Variants in HPSE2 observed in about 807,000 individuals in gnomAD.
HPSE2 encodes inactive heparanase-2.
In HPSE2, 38 loss-of-function variants were observed where a neutral mutation model predicts 60.5. The ratio of observed to expected loss-of-function variants is 0.63; its 90% CI spans 0.48 to 0.82. HPSE2 has a LOEUF of 0.82. HPSE2 is among the 40% of genes least tolerant of loss of function. The probability of loss-of-function intolerance (pLI) is 0.00; values close to 1 mark genes in which losing one functional copy is unlikely to be tolerated. For missense variants in HPSE2, 713 were observed against 740.4 expected, an observed-to-expected ratio of 0.96 and a Z score of 0.43; for synonymous variants, 295 against 293.2, an observed-to-expected ratio of 1.01 and a Z score of -0.06.
intron 3 of HPSE2, among the ~76,000 whole-genome samples, chr10:99,046,535 ACT>A (rs1252240494): frequency 2.6e-5 from 4 of 151,966 alleles, no homozygotes; most frequent in East Asian, 1.9e-4. Flanking sequence ...AAGACATCAA[ACT>A]CTCTCTCTTT....
intron 3 of HPSE2, among the ~76,000 whole-genome samples, chr10:98,846,421 T>G (rs572272449): frequency 1.3e-5 from 2 of 152,328 alleles, no homozygotes; most frequent in East Asian, 3.9e-4. Flanking sequence ...ACTTAAAAAA[T>G]ACAGCACAAG....
chr10:99,165,366 T>C (rs1215010034), intron 2 of HPSE2, among the ~76,000 whole-genome samples: 3 of 152,056 alleles, frequency 2.0e-5, no homozygotes, highest in African/African-American at 7.2e-5. Context: ...TCCAGTATGA[T>C]TGTGCCATTC....
intron 9 of HPSE2, among the ~76,000 whole-genome samples, chr10:98,513,294 T>C (rs1942483548): frequency 1.3e-5 from 2 of 152,192 alleles, no homozygotes. Flanking sequence ...GTTTTCAGCC[T>C]CATCAAACCC....
rs1385755723 is a variant in HPSE2 at position 99,184,821 on chromosome 10, G to C, written c.449-40422C>G. 9.9e-4 allele frequency among the ~76,000 whole-genome samples: 24 copies of C among 24,328 alleles called. 3 individuals carry two copies. Among genetic ancestry groups the C allele is most frequent in the South Asian group, 4.0e-3 (2 of 494 alleles). The allele number at this position is 24,328 out of a possible 152,430, so 16.0% of individuals were successfully genotyped here. On this transcript the variant is annotated intron_variant, in intron 2 of 11. Transcript: ENST00000370552. The stretch of plus-strand genomic sequence containing the variant: ...ATATATATATATATATATATATATA[G>C]AGAGAGAGAGAGAGAGAGAGAGAGA...
chr10:98,813,537 G>T (rs572920895), intron 3 of HPSE2, among the ~76,000 whole-genome samples: 43 of 152,072 alleles, frequency 2.8e-4, no homozygotes, highest in Admixed American at 1.6e-3. Flanking sequence ...GCCCACAAAG[G>T]TCAGATAGAA....
intron 9 of HPSE2, among the ~76,000 whole-genome samples, chr10:98,600,874 TGTATATATACATATATAC>T (rs1288301991): frequency 1.0e-5 from 1 of 99,500 alleles, no homozygotes; most frequent in African/African-American, 2.8e-5. Context: ...TACGTATATA[TGTATATATACATATATAC>T]GTATATATAT....
Position 98,678,288 on chromosome 10 carries a change from T to C in HPSE2, c.1004+15612A>G, listed in dbSNP as rs553623488. ...ATCCACATGTCAGAGAAGAAGCTAC[T>C]GAAGAAAGTTTAATGCCAAAAAATG... On this transcript the variant is annotated intron_variant, in intron 6 of 11. Coordinates refer to ENST00000370552, the MANE Select transcript of HPSE2 (RefSeq NM_021828.5). Among the ~76,000 whole-genome samples, 120 of 152,302 alleles carry C rather than the reference T, an allele frequency of 7.9e-4. 1 individual carries two copies. In the Middle Eastern group the frequency reaches 0.01, roughly 13 times the overall value.
intron 9 of HPSE2, among the ~76,000 whole-genome samples, chr10:98,521,546 T>A (rs536827895): frequency 6.6e-6 from 1 of 152,258 alleles, no homozygotes; most frequent in African/African-American, 2.4e-5. Context: ...GGAGTGTAAA[T>A]TAGTTCAGCC....
intron 6 of HPSE2, among the ~76,000 whole-genome samples, chr10:98,687,475 T>G (rs1434992511): frequency 1.3e-5 from 2 of 152,204 alleles, no homozygotes; most frequent in African/African-American, 4.8e-5. Context: ...CCTCTGGATA[T>G]TCCAGAATAA....
intron 3 of HPSE2, among the ~76,000 whole-genome samples, chr10:98,887,924 A>ATAATAG (rs1953212765): frequency 6.6e-6 from 1 of 150,450 alleles, no homozygotes; most frequent in African/African-American, 2.4e-5. Flanking sequence ...TTAATGTATA[A>ATAATAG]TAATAATAAT....
intron 3 of HPSE2, among the ~76,000 whole-genome samples, chr10:98,895,017 G>C (rs1290794677): frequency 6.6e-6 from 1 of 151,950 alleles, no homozygotes; most frequent in African/African-American, 2.4e-5. Context: ...TTGTATACAA[G>C]TTGTATACAA....
chr10:98,907,526 T>C (rs1051984659), intron 3 of HPSE2, among the ~76,000 whole-genome samples: 3 of 152,126 alleles, frequency 2.0e-5, no homozygotes, highest in Non-Finnish European at 2.9e-5. Flanking sequence ...AGCTTAACAA[T>C]AGTCACTGTA....
chr10:99,123,790 G>T (rs1954295), intron 3 of HPSE2, among the ~76,000 whole-genome samples: 1 of 152,046 alleles, frequency 6.6e-6, no homozygotes, highest in African/African-American at 2.4e-5. Context: ...AGCAGTCCTA[G>T]TCACAGGCAA....
intron 3 of HPSE2, among the ~76,000 whole-genome samples, chr10:98,803,698 A>C (rs1664074724): frequency 6.6e-6 from 1 of 150,804 alleles, no homozygotes; most frequent in South Asian, 2.1e-4. Context: ...TTTTGGTACC[A>C]GTAGCATGCT....
chr10:99,160,949 C>CTCA (rs1846814599), intron 2 of HPSE2, among the ~76,000 whole-genome samples: 2 of 148,632 alleles, frequency 1.3e-5, no homozygotes, highest in South Asian at 4.3e-4. Context: ...GGCACAGTGG[C>CTCA]TCATGCTTAT....
In HPSE2 at chr10:99,221,648, G is replaced by A. The variant is rs184769630; in HGVS notation, c.448+10700C>T. Reference sequence around the variant, plus strand: ...ACTTGAGCAGGGCTTTGAAAAGTAGGCAGAATTCAGAAATGGGTAGAATGT... The same window carrying A: ...ACTTGAGCAGGGCTTTGAAAAGTAGACAGAATTCAGAAATGGGTAGAATGT... On this transcript the variant is annotated intron_variant, in intron 2 of 11. Transcript: ENST00000370552. 4.2e-4 allele frequency among the ~76,000 whole-genome samples: 64 copies of A among 152,292 alleles called. 1 individual carries two copies. The East Asian group carries it at 0.012, about 29-fold the overall frequency.
At position 98,641,923 on chromosome 10, in the gene HPSE2, C is replaced by G. The variant is rs140694252; in HGVS notation, c.1022G>C (p.Arg341Pro). Reference sequence around the variant, plus strand: ...CAGGAAGTCCATCACCTTGACCACCCGGCCATCAATGTAGCAACTGGAATA... The same window carrying G: ...CAGGAAGTCCATCACCTTGACCACCGGGCCATCAATGTAGCAACTGGAATA... ...VTWQHCYIDG[R>P]VVKVMDFLKT... is the part of the protein sequence containing the mutation. Residue 341 changes from arginine to proline, a missense_variant, in exon 7 of 12, where the codon CGG (arginine) becomes CCG (proline). Arg to Pro is a moderately radical substitution (Grantham distance 103). Transcript: ENST00000370552. The G allele has an allele frequency of 2.5e-6, 4 of 1,613,170 alleles. No homozygotes were observed. The highest frequency in any genetic ancestry group is 3.4e-6 in the Non-Finnish European group (4 of 1,179,498).
chr10:98,549,613 C>T (rs558158627), intron 9 of HPSE2, among the ~76,000 whole-genome samples: 1 of 152,340 alleles, frequency 6.6e-6, no homozygotes, highest in South Asian at 2.1e-4. Flanking sequence ...CACCTACCCA[C>T]TTGTTTCTAT....
chr10:98,891,344 C>T (rs969227476), intron 3 of HPSE2, among the ~76,000 whole-genome samples: 9 of 152,062 alleles, frequency 5.9e-5, no homozygotes, highest in Admixed American at 2.6e-4. Flanking sequence ...CATAGGTTGA[C>T]CTGAAAGCCC....
Sources: allele counts gnomAD v4.1 joint callset (sites outside exome capture counted in the v4.1 genomes callset), GRCh38; gene constraint gnomAD v4.1.1; transcripts MANE v1.5; gene names NCBI Gene and HGNC (gene_info 2026-07-23, HGNC 2026-07-21).